LRBA: variants seen among roughly 807,000 people sequenced by gnomAD.
LRBA encodes lipopolysaccharide-responsive and beige-like anchor protein.
In LRBA, 176 loss-of-function variants were observed where a neutral mutation model predicts 330.0. That is an observed-to-expected ratio of 0.53 (90% CI 0.47 to 0.60). The LOEUF (loss-of-function observed/expected upper bound fraction) is 0.60, where lower values mean the gene tolerates loss of function less well. Ranked by LOEUF, LRBA falls within the 20% of genes least tolerant of loss-of-function variation. The pLI is 0.00. For synonymous variants in LRBA, 1,230 were observed against 1,193.0 expected (o/e 1.03, Z -0.64); for missense variants, 3,259 against 3,444.8 (o/e 0.95, Z 1.35).
At chr4:150,455,295 T>G (rs530418020) in intron 44 of LRBA, among the ~76,000 whole-genome samples, 267 of 152,176 alleles carry the variant, frequency 1.8e-3, no homozygotes, top group African/African-American at 6.0e-3. Context: ...TATACCCAAA[T>G]GACTATAAAT....
At chr4:150,489,989 A>C (rs1758701996) in intron 41 of LRBA, among the ~76,000 whole-genome samples, 1 of 151,370 alleles carries the variant, frequency 6.6e-6, no homozygotes, top group Non-Finnish European at 1.5e-5. Flanking sequence ...AGCAAGTAAT[A>C]AATATTCTAA....
chr4:150,849,174 C>A (rs1238642393), intron 25 of LRBA, among the ~76,000 whole-genome samples, 176 bp from the exon 26 acceptor site: 4 of 152,102 alleles, frequency 2.6e-5, no homozygotes, highest in Non-Finnish European at 5.9e-5. Flanking sequence ...GGAGGAGCAA[C>A]AGAACCATAC....
At chr4:150,777,972 C>CAAA (rs57988391) in intron 34 of LRBA, among the ~76,000 whole-genome samples, 7 of 65,622 alleles carry the variant, frequency 1.1e-4, no homozygotes, top group African/African-American at 2.7e-4. Context: ...GACTCTGTTT[C>CAAA]AAAAAAAAAA....
Position 150,744,639 on chromosome 4 carries a change from G to A in LRBA, c.5646-9273C>T, listed in dbSNP as rs115526193. ...ATTACATTATAGACTAGGCTAAGCAGCAAAGATGACCTTTCATTATATTTT... is the reference window on the plus strand; with the variant it reads ...ATTACATTATAGACTAGGCTAAGCAACAAAGATGACCTTTCATTATATTTT... On this transcript the variant is annotated intron_variant, in intron 35 of 56. Coordinates refer to ENST00000651943, the MANE Select transcript of LRBA (RefSeq NM_001364905.1). 6.4e-3 allele frequency among the ~76,000 whole-genome samples: 972 copies of A among 152,260 alleles called. 12 individuals carry two copies. The highest frequency in any genetic ancestry group is 0.022 in the African/African-American group (924 of 41,556).
chr4:150,833,667 A>T (rs187272608), intron 28 of LRBA, among the ~76,000 whole-genome samples: 1 of 152,322 alleles, frequency 6.6e-6, no homozygotes, highest in Admixed American at 6.5e-5. Context: ...AGTGAGTCAC[A>T]ATCTTTTTGC....
At chr4:150,720,788 T>C (rs1325708905) in intron 36 of LRBA, among the ~76,000 whole-genome samples, 1 of 152,200 alleles carries the variant, frequency 6.6e-6, no homozygotes, top group East Asian at 1.9e-4. Flanking sequence ...TACTGAACCA[T>C]ATTCCTCTTA....
intron 36 of LRBA, among the ~76,000 whole-genome samples, chr4:150,684,792 G>A (rs990890905): frequency 6.6e-6 from 1 of 152,072 alleles, no homozygotes; most frequent in Non-Finnish European, 1.5e-5. Flanking sequence ...TAAACTTGAT[G>A]TTGGGATAAA....
intron 9 of LRBA, among the ~76,000 whole-genome samples, chr4:150,912,075 T>C (rs1732059707): frequency 6.6e-6 from 1 of 152,184 alleles, no homozygotes; most frequent in Admixed American, 6.5e-5. Context: ...TTATGTGCTC[T>C]TCTTTTTTCC....
chr4:150,761,069 T>C (rs1735015381), intron 35 of LRBA, among the ~76,000 whole-genome samples: 1 of 152,086 alleles, frequency 6.6e-6, no homozygotes, highest in African/African-American at 2.4e-5. Flanking sequence ...CAGAATACTA[T>C]CTCGAAGGGG....
chr4:150,991,360 G>A (rs995931797), intron 2 of LRBA, among the ~76,000 whole-genome samples: 4 of 152,172 alleles, frequency 2.6e-5, no homozygotes, highest in Non-Finnish European at 4.4e-5. Flanking sequence ...TCACCCAGGA[G>A]AAAGGAAAAC....
At chr4:150,509,985 A>T (rs1489737984) in intron 40 of LRBA, among the ~76,000 whole-genome samples, 1 of 152,146 alleles carries the variant, frequency 6.6e-6, no homozygotes, top group Non-Finnish European at 1.5e-5. Flanking sequence ...AAAAATACAA[A>T]AACAGCCAAG....
chr4:150,813,474 A>T (rs1019103507), intron 31 of LRBA, among the ~76,000 whole-genome samples: 3 of 152,150 alleles, frequency 2.0e-5, no homozygotes, highest in Non-Finnish European at 2.9e-5. Flanking sequence ...TGTACACCAA[A>T]AAAGTTTTGT....
chr4:150,454,253 C>A (rs539270376), intron 44 of LRBA, among the ~76,000 whole-genome samples: 4 of 152,212 alleles, frequency 2.6e-5, no homozygotes, highest in Admixed American at 1.3e-4. Context: ...GCCACCACAA[C>A]CAACCTCAAA....
At chr4:150,357,665 T>TA (rs781495242) in intron 47 of LRBA, among the ~76,000 whole-genome samples, 147 of 146,642 alleles carry the variant, frequency 1.0e-3, no homozygotes, top group Middle Eastern at 6.9e-3. Flanking sequence ...TTTTTTTTTT[T>TA]AAAAAAAACC....
chr4:150,335,533 T>C (rs1691557098), intron 48 of LRBA, among the ~76,000 whole-genome samples: 1 of 139,166 alleles, frequency 7.2e-6, no homozygotes, highest in Admixed American at 7.0e-5. Flanking sequence ...TATATGTGTG[T>C]ATATATATAT....
intron 40 of LRBA, among the ~76,000 whole-genome samples, chr4:150,536,404 G>T (rs1708274315): frequency 1.3e-5 from 2 of 152,084 alleles, no homozygotes; most frequent in Non-Finnish European, 2.9e-5. Flanking sequence ...TGGACTGTTG[G>T]GTACCAATTT....
intron 26 of LRBA, 35 bp downstream of exon 26, chr4:150,848,783 T>G (rs772176331): frequency 6.5e-7 from 1 of 1,539,314 alleles, no homozygotes. Context: ...GAAAAATTTT[T>G]TTTAGTAAAT....
At chr4:150,977,263 A>G (rs1268898232) in intron 2 of LRBA, among the ~76,000 whole-genome samples, 3 of 152,220 alleles carry the variant, frequency 2.0e-5, no homozygotes, top group East Asian at 3.8e-4. Context: ...TTTGTCTTGC[A>G]TCTTGGATAC....
intron 54 of LRBA, 77 bp from the exon 55 acceptor site, chr4:150,282,723 C>A: frequency 1.9e-6 from 2 of 1,045,908 alleles, no homozygotes; most frequent in Admixed American, 2.4e-5. Flanking sequence ...GAGCACAGAT[C>A]AAACAGGATT....
Sources: gnomAD v4.1 joint callset for allele counts (sites outside exome capture counted in the v4.1 genomes callset) on GRCh38, gnomAD v4.1.1 for gene constraint, MANE v1.5 for transcripts, NCBI Gene and HGNC (gene_info 2026-07-23, HGNC 2026-07-21) for gene names.